The following ZDHHC14 variants were observed in gnomAD, a reference collection of about 807,000 sequenced individuals.
ZDHHC14 encodes the protein palmitoyltransferase ZDHHC14.
ZDHHC14 carries 16 observed loss-of-function variants against 47.7 expected under a neutral mutation model. The observed-to-expected ratio is 0.34, with a 90% confidence interval of 0.23 to 0.51. The LOEUF (loss-of-function observed/expected upper bound fraction) is 0.51, where lower values mean the gene tolerates loss of function less well. Ranked by LOEUF, ZDHHC14 falls within the 20% of genes least tolerant of loss-of-function variation. ZDHHC14 has a pLI of 0.97. For missense variants in ZDHHC14, 515 were observed against 662.5 expected (o/e 0.78, Z 2.44); for synonymous variants, 293 against 278.9 (o/e 1.05, Z -0.50).
intron 3 of ZDHHC14, among the ~76,000 whole-genome samples, chr6:157,622,216 C>CAAAAAAAAAAAAAA (rs35681787): frequency 4.3e-5 from 4 of 93,866 alleles, no homozygotes; most frequent in Admixed American, 1.2e-4. Flanking sequence ...ACTAAAAATA[C>CAAAAAAAAAAAAAA]AAAAAAAAAA....
Position 157,450,941 on chromosome 6 carries a change from G to A in ZDHHC14, c.245+68675G>A, listed in dbSNP as rs528555760. ...GATGTCTTTGTATAAAAACATTTTA[G>A]TGTTTTTAATAATTATCATCAATGG... On this transcript the variant is annotated intron_variant, in intron 1 of 8. Coordinates refer to ENST00000359775, the MANE Select transcript of ZDHHC14 (RefSeq NM_024630.3). Among the ~76,000 whole-genome samples the A allele has an allele frequency of 3.0e-4, 46 of 152,060 alleles. No individual in the cohort carries two copies. In the South Asian group the frequency reaches 7.3e-3, roughly 24 times the overall value.
chr6:157,540,659 TC>T (rs1271193708), intron 1 of ZDHHC14, among the ~76,000 whole-genome samples: 4 of 152,092 alleles, frequency 2.6e-5, no homozygotes, highest in African/African-American at 9.7e-5. Flanking sequence ...ATCTTCAAAT[TC>T]ATTAATCTTG....
At chr6:157,507,904 T>C (rs1159970582) in intron 1 of ZDHHC14, among the ~76,000 whole-genome samples, 2 of 152,244 alleles carry the variant, frequency 1.3e-5, no homozygotes, top group Non-Finnish European at 2.9e-5. Context: ...AAGCAATACC[T>C]TTTTGAGATT....
At chr6:157,399,998 ACCT>A (rs1777597290) in intron 1 of ZDHHC14, among the ~76,000 whole-genome samples, 1 of 152,162 alleles carries the variant, frequency 6.6e-6, no homozygotes, top group African/African-American at 2.4e-5. Context: ...GTGTATGGTA[ACCT>A]CCTTCTCCAT....
At chr6:157,545,003 A>G (rs149823975) in intron 2 of ZDHHC14, among the ~76,000 whole-genome samples, 64 of 152,356 alleles carry the variant, frequency 4.2e-4, no homozygotes, top group African/African-American at 1.3e-3. Context: ...TATCCATACA[A>G]TTGGATTCCA....
chr6:157,638,143 A>G, intron 5 of ZDHHC14, among the ~76,000 whole-genome samples: 1 of 152,110 alleles, frequency 6.6e-6, no homozygotes, highest in Non-Finnish European at 1.5e-5. Flanking sequence ...CTGTGACAGA[A>G]TGCCTGACTC....
intron 5 of ZDHHC14, among the ~76,000 whole-genome samples, chr6:157,643,132 A>C (rs935732110): frequency 6.6e-6 from 1 of 152,184 alleles, no homozygotes; most frequent in South Asian, 2.1e-4. Context: ...CTGAGGTTTA[A>C]GCAGAACAGG....
chr6:157,506,713 C>T (rs561048516), intron 1 of ZDHHC14, among the ~76,000 whole-genome samples: 25 of 152,218 alleles, frequency 1.6e-4, no homozygotes, highest in East Asian at 5.8e-4. Context: ...CATATGCTGA[C>T]GACAGATATA....
intron 1 of ZDHHC14, among the ~76,000 whole-genome samples, chr6:157,507,510 G>A (rs1332463943): frequency 1.3e-5 from 2 of 152,212 alleles, no homozygotes; most frequent in East Asian, 3.9e-4. Flanking sequence ...TCCAACTCCT[G>A]ACCTCAAGTG....
chr6:157,491,169 C>T lies in ZDHHC14; in HGVS notation c.246-51416C>T, dbSNP rs151052728. Among the ~76,000 whole-genome samples the T allele has an allele frequency of 7.0e-3, 1,063 of 152,286 alleles. 5 individuals carry two copies. The highest frequency in any genetic ancestry group is 9.2e-3 in the Non-Finnish European group (629 of 68,030). On this transcript the variant is annotated intron_variant, in intron 1 of 8. Coordinates refer to ENST00000359775, the MANE Select transcript of ZDHHC14 (RefSeq NM_024630.3). ...CCGTTTGTCCCCTCGTTCTGTGGGT[C>T]GCATTTAGGGTATGCGGCCGCCCTG...
At chr6:157,624,003 C>A (rs1416709953) in intron 3 of ZDHHC14, among the ~76,000 whole-genome samples, 1 of 152,212 alleles carries the variant, frequency 6.6e-6, no homozygotes, top group Non-Finnish European at 1.5e-5. Flanking sequence ...CCTAACCCTA[C>A]CCTGGCACAC....
In ZDHHC14 at chr6:157,672,759, C is replaced by A; in HGVS notation, c.1104C>A (p.Phe368Leu). The change falls in exon 9 of 9, where the codon TTC becomes TTA. Residue 368 changes from phenylalanine (F) to leucine (L), a missense_variant. Around this residue, in one of 4 missense-constraint regions of ZDHHC14, gnomAD observed 221 missense variants for 233.6 expected, o/e 0.95. Coordinates refer to ENST00000359775, the MANE Select transcript of ZDHHC14 (RefSeq NM_024630.3). ...ACCAGTGCATTCAGAGCACCAAATT[C>A]GTTTTGCAGGCTGCAGCCACGCCCC... ...DQDQCIQSTK[F>L]VLQAAATPLL... The A allele has an allele frequency of 6.2e-7, 1 of 1,612,438 alleles. No individual in the cohort carries two copies. The highest frequency in any genetic ancestry group is 1.1e-5 in the South Asian group (1 of 91,028).
intron 1 of ZDHHC14, among the ~76,000 whole-genome samples, chr6:157,456,237 CAA>C (rs1778913139): frequency 6.6e-6 from 1 of 152,186 alleles, no homozygotes; most frequent in South Asian, 2.1e-4. Flanking sequence ...TGAGCAAAAG[CAA>C]AGACAGTTCC....
chr6:157,555,244 T>TG (rs1782410833), intron 2 of ZDHHC14, among the ~76,000 whole-genome samples: 1 of 152,206 alleles, frequency 6.6e-6, no homozygotes, highest in South Asian at 2.1e-4. Flanking sequence ...ATTTTGTGAA[T>TG]GCCAACAAAA....
chr6:157,632,739 A>T (rs1281007056), intron 4 of ZDHHC14, 95 bp from the exon 5 acceptor site: 1 of 1,160,252 alleles, frequency 8.6e-7, no homozygotes, highest in Non-Finnish European at 1.3e-6. Flanking sequence ...TATTTCATTG[A>T]TCTTTAGCCA....
chr6:157,567,587 G>A (rs969357058), intron 2 of ZDHHC14, among the ~76,000 whole-genome samples: 4 of 152,122 alleles, frequency 2.6e-5, no homozygotes, highest in Non-Finnish European at 5.9e-5. Context: ...AGGTTGAGGC[G>A]GGTGGATCAC....
intron 1 of ZDHHC14, among the ~76,000 whole-genome samples, chr6:157,422,057 G>A (rs1443421669): frequency 6.6e-6 from 1 of 152,196 alleles, no homozygotes; most frequent in South Asian, 2.1e-4. Flanking sequence ...CTGATGAGGT[G>A]AGGAAACTCG....
At chr6:157,490,254 C>T (rs903583560) in intron 1 of ZDHHC14, among the ~76,000 whole-genome samples, 2 of 152,146 alleles carry the variant, frequency 1.3e-5, no homozygotes, top group Admixed American at 6.5e-5. Context: ...CAGATATAAG[C>T]GTTGTTCATT....
intron 1 of ZDHHC14, among the ~76,000 whole-genome samples, chr6:157,428,465 TA>T (rs900421825): frequency 8.0e-5 from 12 of 149,484 alleles, no homozygotes; most frequent in East Asian, 1.9e-4. Context: ...AAATTCCCAT[TA>T]AAAAAAAAAT....
Sources: allele counts gnomAD v4.1 joint callset (sites outside exome capture counted in the v4.1 genomes callset), GRCh38; gene constraint gnomAD v4.1.1; regional missense constraint gnomAD v4.1.1; transcripts MANE v1.5; gene names NCBI Gene and HGNC (gene_info 2026-07-23, HGNC 2026-07-21).